The following BRINP3 variants were observed in gnomAD, a reference collection of about 807,000 sequenced individuals.
The protein encoded by BRINP3 is BMP/retinoic acid-inducible neural-specific protein 3.
A neutral mutation model predicts 71.0 loss-of-function variants in BRINP3; 19 were observed. The observed-to-expected ratio is 0.27, with a 90% CI of 0.19 to 0.39. The LOEUF is 0.39. BRINP3 is among the 10% of genes least tolerant of loss of function. The pLI, the probability that BRINP3 is intolerant of heterozygous loss-of-function variation, is 1.00. For missense variants in BRINP3, 959 were observed against 940.8 expected (o/e 1.02, Z -0.25); for synonymous variants, 380 against 337.7 (o/e 1.13, Z -1.37).
At chr1:190,181,004 A>G (rs1571926441) in intron 6 of BRINP3, among the ~76,000 whole-genome samples, 1 of 152,076 alleles carries the variant, frequency 6.6e-6, no homozygotes, top group Non-Finnish European at 1.5e-5. Flanking sequence ...GTACTATTCT[A>G]TCACTACAAA....
intron 7 of BRINP3, among the ~76,000 whole-genome samples, chr1:190,120,735 C>T (rs12062965): frequency 0.052 from 7,882 of 151,506 alleles, 695 homozygotes; most frequent in African/African-American, 0.18. Context: ...GAACTCCTGA[C>T]CTCGTGATCC....
At chr1:190,321,574 T>C (rs1357545292) in intron 2 of BRINP3, among the ~76,000 whole-genome samples, 6 of 152,132 alleles carry the variant, frequency 3.9e-5, no homozygotes, top group Admixed American at 3.9e-4. Context: ...AAAGGTCTCT[T>C]GATTAGGAAA....
intron 6 of BRINP3, among the ~76,000 whole-genome samples, chr1:190,182,745 G>A (rs1653140435): frequency 6.6e-6 from 1 of 152,008 alleles, no homozygotes; most frequent in African/African-American, 2.4e-5. Flanking sequence ...TTTAGCATGA[G>A]GAAAACCCTT....
intron 2 of BRINP3, among the ~76,000 whole-genome samples, chr1:190,301,220 T>C (rs1290622519): frequency 4.2e-5 from 5 of 118,050 alleles, no homozygotes; most frequent in African/African-American, 1.3e-4. Flanking sequence ...TATATATATA[T>C]ATATATATAT....
intron 2 of BRINP3, among the ~76,000 whole-genome samples, chr1:190,294,367 C>T (rs1293713817): frequency 6.6e-6 from 1 of 151,654 alleles, no homozygotes; most frequent in Non-Finnish European, 1.5e-5. Context: ...TCAAGTGATC[C>T]TCCCAGCTCA....
chr1:190,117,278 A>G (rs1218991535), intron 7 of BRINP3, among the ~76,000 whole-genome samples: 2 of 152,030 alleles, frequency 1.3e-5, no homozygotes, highest in Non-Finnish European at 2.9e-5. Context: ...ATAACAATAC[A>G]TAAGATTTAT....
At chr1:190,121,369 C>G (rs1653637903) in intron 7 of BRINP3, among the ~76,000 whole-genome samples, 1 of 152,004 alleles carries the variant, frequency 6.6e-6, no homozygotes, top group Non-Finnish European at 1.5e-5. Flanking sequence ...ACTAAAAGCA[C>G]AAACCAACAA....
At chr1:190,197,364 T>C (rs1279835037) in intron 6 of BRINP3, among the ~76,000 whole-genome samples, 1 of 152,012 alleles carries the variant, frequency 6.6e-6, no homozygotes, top group Non-Finnish European at 1.5e-5. Context: ...TCCCAAGAGT[T>C]CCTCAAAGTC....
chr1:190,243,631 G>A (rs1266284493), intron 4 of BRINP3, among the ~76,000 whole-genome samples: 1 of 151,988 alleles, frequency 6.6e-6, no homozygotes, highest in Non-Finnish European at 1.5e-5. Context: ...GCCACAGGGA[G>A]TTACAAACAA....
intron 7 of BRINP3, among the ~76,000 whole-genome samples, chr1:190,117,380 T>C (rs1557981374): frequency 6.6e-6 from 1 of 152,164 alleles, no homozygotes; most frequent in East Asian, 1.9e-4. Flanking sequence ...TCAATCTTCA[T>C]TATTTTTAAC....
At chr1:190,137,483 A>G (rs1290723260) in intron 7 of BRINP3, among the ~76,000 whole-genome samples, 1 of 152,006 alleles carries the variant, frequency 6.6e-6, no homozygotes, top group Admixed American at 6.6e-5. Context: ...ATTATAGACA[A>G]GAGGTGGAGG....
chr1:190,422,748 C>A (rs1349531804), intron 2 of BRINP3, among the ~76,000 whole-genome samples: 2 of 151,788 alleles, frequency 1.3e-5, no homozygotes, highest in African/African-American at 4.8e-5. Context: ...AAGTCTAAAC[C>A]TCATTCGAAA....
In BRINP3 at chr1:190,216,508, G is replaced by A. The variant is rs535017169; in HGVS notation, c.961+9574C>T. On this transcript the variant is annotated intron_variant, in intron 6 of 7. Transcript: ENST00000367462. The stretch of plus-strand genomic sequence containing the variant: ...TTATTAGAGTGAGAAATTTTCTCAG[G>A]TTGCAAGACATGAAAAGAGAAATAT... Among the ~76,000 whole-genome samples, 3 of 151,844 alleles carry A rather than the reference G, an allele frequency of 2.0e-5. No homozygotes were observed. In the South Asian group the frequency reaches 6.2e-4, roughly 32 times the overall value.
intron 3 of BRINP3, among the ~76,000 whole-genome samples, chr1:190,277,087 T>TATATATATATATATATATATATATA (rs1553276640): frequency 2.8e-5 from 1 of 36,006 alleles, no homozygotes; most frequent in Non-Finnish European, 6.7e-5. Context: ...AATTTTGGTT[T>TATATATATATATATATATATATATA]TATATATATA....
At chr1:190,208,043 G>A (rs1344322418) in intron 6 of BRINP3, among the ~76,000 whole-genome samples, 1 of 151,976 alleles carries the variant, frequency 6.6e-6, no homozygotes, top group Non-Finnish European at 1.5e-5. Context: ...CGCCTCCTGG[G>A]CTCAAGGGAT....
In BRINP3 at chr1:190,225,164, A is replaced by G. The variant is rs1329806426; in HGVS notation, c.961+918T>C. The stretch of plus-strand genomic sequence containing the variant: ...AAGGAAATCAGTATATTGAATATAT[A>G]GCTGCACTCCCTTATTTATTGCAGC... On this transcript the variant is annotated intron_variant, in intron 6 of 7. Transcript: ENST00000367462. Among the ~76,000 whole-genome samples the G allele has an allele frequency of 2.6e-5, 4 of 152,068 alleles. No individual in the cohort carries two copies. In the South Asian group the frequency reaches 8.3e-4, roughly 31 times the overall value.
rs561330855 is a variant in BRINP3 at position 190,320,126 on chromosome 1, G to A, written c.237-38376C>T. 5.9e-5 allele frequency among the ~76,000 whole-genome samples: 9 copies of A among 151,832 alleles called. 1 individual carries two copies. The South Asian group carries it at 1.2e-3, about 21-fold the overall frequency. On this transcript the variant is annotated intron_variant, in intron 2 of 7. Transcript: ENST00000367462. ...AATAATGAAACAAATTTTAACACAGGGTGATTGATATACACAGGGTTAACT... is the reference window on the plus strand; with the variant it reads ...AATAATGAAACAAATTTTAACACAGAGTGATTGATATACACAGGGTTAACT...
chr1:190,154,005 C>T (rs1177981883), intron 7 of BRINP3: 2 of 767,306 alleles, frequency 2.6e-6, no homozygotes, highest in Non-Finnish European at 3.2e-6. Flanking sequence ...ACAACATAAA[C>T]AATCCATGAC....
chr1:190,141,561 T>TTC lies in BRINP3; in HGVS notation c.1184+19106_1184+19107insGA, dbSNP rs1401048625. 2.1e-3 allele frequency among the ~76,000 whole-genome samples: 277 copies of TTC among 130,228 alleles called. 1 individual carries two copies. The highest frequency in any genetic ancestry group is 7.6e-3 in the African/African-American group (251 of 33,098). The allele number at this position is 130,228 out of a possible 152,430, so 85.4% of individuals were successfully genotyped here. A position where few individuals can be genotyped will look rare whatever the true frequency, so the allele number is the denominator to read the frequency against. On this transcript the variant is annotated intron_variant, in intron 7 of 7. Transcript: ENST00000367462. ...CTCTCTCTTTCTTTCTTTCCTTTTT[T>TTC]TTTTTTTTTTTTTTTTTTGAGACAG...
Sources: allele counts gnomAD v4.1 joint callset (sites outside exome capture counted in the v4.1 genomes callset), GRCh38; gene constraint gnomAD v4.1.1; transcripts MANE v1.5; gene names NCBI Gene and HGNC (gene_info 2026-07-23, HGNC 2026-07-21).